Variants in PSG2 observed in about 807,000 individuals in gnomAD.
PSG2 encodes pregnancy-specific beta-1-glycoprotein 2.
In PSG2, 49 loss-of-function variants were observed where a neutral mutation model predicts 36.2. The ratio of observed to expected loss-of-function variants is 1.35; its 90% CI spans 1.08 to 1.72. PSG2 has a LOEUF of 1.72. Among genes scored for constraint, PSG2 ranks in the 40% most tolerant of loss-of-function variants. The pLI, the probability that PSG2 is intolerant of heterozygous loss-of-function variation, is 0.00. For missense variants in PSG2, 605 were observed against 407.2 expected (o/e 1.49, Z -4.18); for synonymous variants, 261 against 155.6 (o/e 1.68, Z -5.04).
At chr19:43,068,455 C>CAAAA (rs558588522) in intron 4 of PSG2, among the ~76,000 whole-genome samples, 6 of 81,442 alleles carry the variant, frequency 7.4e-5, no homozygotes, top group Non-Finnish European at 1.2e-4. Flanking sequence ...CTCTTTTCAA[C>CAAAA]AAAAAAAAAA....
At chr19:43,066,974 C>G (rs535395632) in intron 4 of PSG2, among the ~76,000 whole-genome samples, 12 of 151,366 alleles carry the variant, frequency 7.9e-5, no homozygotes, top group African/African-American at 2.9e-4. Context: ...TGTCAGGTCT[C>G]CATGGCAGGG....
intron 1 of PSG2, 131 bp downstream of exon 1, chr19:43,082,375 C>T (rs189257611): frequency 1.1e-4 from 151 of 1,405,936 alleles, no homozygotes; most frequent in Non-Finnish European, 1.4e-4. Flanking sequence ...CTCCTGATCT[C>T]GTGATCCACC....
chr19:43,071,638 C>A, intron 4 of PSG2, 62 bp downstream of exon 4: 2 of 1,612,522 alleles, frequency 1.2e-6, no homozygotes, highest in African/African-American at 2.7e-5. Flanking sequence ...CCTGACTCTT[C>A]TCTGAAAGCC....
intron 5 of PSG2, among the ~76,000 whole-genome samples, chr19:43,066,199 A>T (rs1967737054): frequency 6.6e-6 from 1 of 151,752 alleles, no homozygotes; most frequent in Non-Finnish European, 1.5e-5. Flanking sequence ...GTTGAGCTTT[A>T]TGGGAATGGA....
intron 3 of PSG2, 148 bp downstream of exon 3, chr19:43,075,206 T>C: frequency 6.5e-7 from 1 of 1,544,120 alleles, no homozygotes; most frequent in Non-Finnish European, 8.9e-7. Flanking sequence ...CCTATTCTGG[T>C]TTGCCTGGGG....
At chr19:43,077,548 G>C (rs1041194357) in intron 2 of PSG2, among the ~76,000 whole-genome samples, 1 of 151,676 alleles carries the variant, frequency 6.6e-6, no homozygotes, top group Non-Finnish European at 1.5e-5. Context: ...AATGGCTCAT[G>C]TGTCTCCCCA....
At chr19:43,080,465 G>A (rs929225489) in intron 2 of PSG2, among the ~76,000 whole-genome samples, 15 of 151,728 alleles carry the variant, frequency 9.9e-5, no homozygotes, top group African/African-American at 1.5e-4. Flanking sequence ...TTTATCTGGA[G>A]CAAGGATTTA....
In PSG2 at chr19:43,081,073, T is replaced by C; in HGVS notation, c.238A>G (p.Thr80Ala). The C allele has an allele frequency of 1.2e-6, 2 of 1,612,878 alleles. No individual in the cohort carries two copies. The highest frequency in any genetic ancestry group is 1.7e-6 in the Non-Finnish European group (2 of 1,179,652). Residue 80 changes from threonine (T) to alanine (A), a missense_variant, in exon 2 of 6, where the codon ACA (threonine) becomes GCA (alanine). Physicochemically the swap from Thr to Ala is moderately conservative, Grantham distance 58 (BLOSUM62 0). Coordinates refer to ENST00000406487, the MANE Select transcript of PSG2 (RefSeq NM_031246.4). ...GQIRDLYHYI[T>A]SYVVDGQIII... is the part of the protein sequence containing the mutation. ...ATTTGACCGTCTACTACATATGATG[T>C]AATGTAATGGTAGAGGTCCCTGATT...
chr19:43,070,691 G>C (rs1272465524), intron 4 of PSG2, among the ~76,000 whole-genome samples: 2 of 151,676 alleles, frequency 1.3e-5, no homozygotes, highest in African/African-American at 2.4e-5. Flanking sequence ...CTAAGGGTTC[G>C]AGGGAGAAGG....
intron 2 of PSG2, among the ~76,000 whole-genome samples, chr19:43,076,890 A>G (rs78925917): frequency 0.056 from 8,484 of 151,614 alleles, 676 homozygotes; most frequent in East Asian, 0.35. Flanking sequence ...TGAAAAATTT[A>G]AAATCCACAA....
chr19:43,078,144 G>A (rs1301013874), intron 2 of PSG2, among the ~76,000 whole-genome samples: 1 of 151,764 alleles, frequency 6.6e-6, no homozygotes, highest in Non-Finnish European at 1.5e-5. Flanking sequence ...TCTAGTCTCA[G>A]GCTGGCTGTC....
chr19:43,067,432 T>C (rs1210678464), intron 4 of PSG2, among the ~76,000 whole-genome samples: 1 of 151,340 alleles, frequency 6.6e-6, no homozygotes, highest in African/African-American at 2.4e-5. Context: ...TAGTGTTTTA[T>C]GTGTTACCTC....
chr19:43,081,398 C>A (rs1156331337), intron 1 of PSG2, 152 bp from the exon 2 acceptor site: 16 of 1,123,752 alleles, frequency 1.4e-5, no homozygotes, highest in South Asian at 1.7e-5. Context: ...CACACACACA[C>A]AAAAGGGGCA....
intron 4 of PSG2, among the ~76,000 whole-genome samples, chr19:43,069,838 G>A (rs905504778): frequency 5.3e-5 from 8 of 151,594 alleles, no homozygotes; most frequent in South Asian, 2.1e-4. Context: ...CGGATAAATC[G>A]GACTTCATAA....
chr19:43,075,696 T>C, intron 2 of PSG2, 64 bp from the exon 3 acceptor site: 1 of 1,558,846 alleles, frequency 6.4e-7, no homozygotes, highest in Non-Finnish European at 8.7e-7. Flanking sequence ...AAGGCATTTT[T>C]CAATCAGAGT....
At chr19:43,064,698 A>G (rs10417737) in intron 5 of PSG2, 97 bp from the exon 6 acceptor site, 54,109 of 419,722 alleles carry the variant, frequency 0.13, 6,134 homozygotes, top group African/African-American at 0.4. Flanking sequence ...TAAACTGACT[A>G]TGGTTAAAAA....
intron 2 of PSG2, among the ~76,000 whole-genome samples, chr19:43,079,634 G>A (rs117947419): frequency 0.034 from 5,139 of 151,730 alleles, 192 homozygotes; most frequent in Non-Finnish European, 0.05. Flanking sequence ...GAAACACAGG[G>A]TTTCAGGTTC....
rs184331291 is a variant in PSG2, at chr19:43,073,541, A to G, written c.710-1587T>C. On this transcript the variant is annotated intron_variant, in intron 3 of 5. Coordinates refer to ENST00000406487, the MANE Select transcript of PSG2 (RefSeq NM_031246.4). ...TTTGATGGATATGAGACAAATTTGG[A>G]GAGAAGTTTTTCAAATATTTTCTTT... Among the ~76,000 whole-genome samples the G allele has an allele frequency of 1.9e-4, 29 of 151,822 alleles. 3 individuals carry two copies. The East Asian group carries it at 3.1e-3, about 16-fold the overall frequency.
intron 4 of PSG2, among the ~76,000 whole-genome samples, chr19:43,067,033 C>A (rs1310252415): frequency 6.6e-6 from 1 of 151,464 alleles, no homozygotes; most frequent in Non-Finnish European, 1.5e-5. Context: ...TTCACCACCT[C>A]TTGTGCACAG....
Sources: gnomAD v4.1 joint callset for allele counts (sites outside exome capture counted in the v4.1 genomes callset) on GRCh38, gnomAD v4.1.1 for gene constraint, MANE v1.5 for transcripts, NCBI Gene and HGNC (gene_info 2026-07-23, HGNC 2026-07-21) for gene names.